SUMF1: variants seen among roughly 807,000 people sequenced by gnomAD.
SUMF1 encodes formylglycine-generating enzyme.
In SUMF1, 48 loss-of-function variants were observed where a neutral mutation model predicts 47.6. The observed-to-expected ratio is 1.01, with a 90% confidence interval of 0.80 to 1.28. The LOEUF (loss-of-function observed/expected upper bound fraction) is 1.28, where lower values mean the gene tolerates loss of function less well. Among genes scored for constraint, SUMF1 ranks in the 50% most tolerant of loss-of-function variants. The probability of loss-of-function intolerance (pLI) is 0.00; values close to 1 mark genes in which losing one functional copy is unlikely to be tolerated. For missense variants in SUMF1, 571 were observed against 485.4 expected (o/e 1.18, Z -1.66); for synonymous variants, 230 against 192.1 (o/e 1.20, Z -1.63).
chr3:4,159,825 A>G (rs1048562763), intron 8 of SUMF1, among the ~76,000 whole-genome samples: 3 of 152,170 alleles, frequency 2.0e-5, no homozygotes, highest in Non-Finnish European at 4.4e-5. Context: ...TTCACTGGAC[A>G]TACTATTCTA....
intron 3 of SUMF1, among the ~76,000 whole-genome samples, chr3:4,441,303 T>C (rs1299448937): frequency 6.6e-6 from 1 of 152,194 alleles, no homozygotes; most frequent in East Asian, 1.9e-4. Context: ...CTGTCTCCCA[T>C]CACCCCCAGA....
intron 8 of SUMF1, among the ~76,000 whole-genome samples, chr3:4,289,769 C>G (rs540670827): frequency 4.9e-4 from 74 of 150,732 alleles, no homozygotes; most frequent in Non-Finnish European, 8.5e-4. Context: ...GTAAACTAAA[C>G]GACCATTTAA....
chr3:4,371,383 A>G (rs1484766431), intron 8 of SUMF1, among the ~76,000 whole-genome samples: 1 of 152,244 alleles, frequency 6.6e-6, no homozygotes, highest in Non-Finnish European at 1.5e-5. Context: ...TCCATTTAAG[A>G]TAATGACTTA....
At chr3:4,339,287 T>C (rs988563085) in intron 8 of SUMF1, among the ~76,000 whole-genome samples, 2 of 152,154 alleles carry the variant, frequency 1.3e-5, no homozygotes, top group Admixed American at 6.5e-5. Context: ...CCATTTTCCT[T>C]GTGAGGTATG....
intron 9 of SUMF1, among the ~76,000 whole-genome samples, chr3:4,044,036 T>C (rs1694962287): frequency 6.6e-6 from 1 of 152,116 alleles, no homozygotes; most frequent in Non-Finnish European, 1.5e-5. Flanking sequence ...AGAGGCACAA[T>C]AGTCATTTTG....
At chr3:4,142,379 A>G (rs1394074249) in intron 8 of SUMF1, among the ~76,000 whole-genome samples, 1 of 152,192 alleles carries the variant, frequency 6.6e-6, no homozygotes, top group African/African-American at 2.4e-5. Flanking sequence ...ATTGCTGTAT[A>G]GTCACATGCC....
At chr3:4,297,557 C>T (rs1350059259) in intron 8 of SUMF1, among the ~76,000 whole-genome samples, 1 of 145,108 alleles carries the variant, frequency 6.9e-6, no homozygotes, top group South Asian at 2.2e-4. Flanking sequence ...CAAGCCACTA[C>T]ACCTGAATTT....
intron 8 of SUMF1, among the ~76,000 whole-genome samples, chr3:4,333,224 T>C (rs1699082830): frequency 6.6e-6 from 1 of 152,318 alleles, no homozygotes; most frequent in Middle Eastern, 3.4e-3. Flanking sequence ...CTGGTTAACA[T>C]TTAAGCCATC....
In SUMF1 at chr3:4,105,328, T is replaced by C. The variant is rs779052402; in HGVS notation, c.1015-36583A>G. On this transcript the variant is annotated intron_variant and NMD_transcript_variant, in intron 8 of 12. Transcript: ENST00000448413. ...GATCTCTCGCATAGGCTGGTGATTA[T>C]AGTTAATAACAATGTGTATTTTTAA... 3.9e-5 allele frequency among the ~76,000 whole-genome samples: 6 copies of C among 152,170 alleles called. 1 individual carries two copies. Among genetic ancestry groups the C allele is most frequent in the African/African-American group, 7.2e-5 (3 of 41,418 alleles).
intron 1 of SUMF1, among the ~76,000 whole-genome samples, chr3:4,462,491 G>A (rs2079839221): frequency 6.6e-6 from 1 of 152,162 alleles, no homozygotes; most frequent in South Asian, 2.1e-4. Flanking sequence ...TTCCCAACTA[G>A]GGGAGCTATA....
chr3:4,464,538 A>ATAG (rs2079893285), intron 1 of SUMF1, among the ~76,000 whole-genome samples: 1 of 152,208 alleles, frequency 6.6e-6, no homozygotes, highest in Admixed American at 6.5e-5. Flanking sequence ...CAAGTGTTAT[A>ATAG]TAGTAATGTG....
chr3:4,149,455 C>G (rs1193179991), intron 8 of SUMF1, among the ~76,000 whole-genome samples: 1 of 152,142 alleles, frequency 6.6e-6, no homozygotes, highest in African/African-American at 2.4e-5. Flanking sequence ...TCAATGCTTG[C>G]AACACCTCTA....
chr3:4,317,319 C>G (rs1303470277), intron 8 of SUMF1: 1 of 898,094 alleles, frequency 1.1e-6, no homozygotes, highest in Non-Finnish European at 1.7e-6. Context: ...TTGCACCAAC[C>G]CAATATCTTC....
At chr3:4,098,066 G>A (rs188849952) in intron 8 of SUMF1, among the ~76,000 whole-genome samples, 12 of 152,122 alleles carry the variant, frequency 7.9e-5, no homozygotes, top group East Asian at 1.9e-4. Flanking sequence ...GAAGAATAAC[G>A]TATCTTCCTG....
intron 8 of SUMF1, among the ~76,000 whole-genome samples, chr3:4,375,425 A>C (rs747572655): frequency 8.5e-5 from 13 of 152,330 alleles, no homozygotes; most frequent in Non-Finnish European, 1.3e-4. Flanking sequence ...AAGAAAAATC[A>C]AATCAGAATG....
intron 8 of SUMF1, among the ~76,000 whole-genome samples, chr3:4,165,399 C>T (rs1448491388): frequency 6.6e-6 from 1 of 151,768 alleles, no homozygotes; most frequent in Non-Finnish European, 1.5e-5. Flanking sequence ...TTTTTGTGGT[C>T]CCTTGGAGAT....
chr3:4,175,439 C>A (rs1237835345), intron 8 of SUMF1, among the ~76,000 whole-genome samples: 2 of 152,152 alleles, frequency 1.3e-5, no homozygotes, highest in Non-Finnish European at 2.9e-5. Context: ...AGACCTGCAG[C>A]TGAGGGACCT....
chr3:4,393,165 A>C (rs190186053), intron 7 of SUMF1, among the ~76,000 whole-genome samples: 3 of 152,226 alleles, frequency 2.0e-5, no homozygotes, highest in South Asian at 2.1e-4. Flanking sequence ...CACAACTGCT[A>C]CCGTGGGCTA....
chr3:4,312,834 A>T, intron 8 of SUMF1: 1 of 1,518,222 alleles, frequency 6.6e-7, no homozygotes, highest in South Asian at 1.4e-5. Flanking sequence ...GTCAGAAGCT[A>T]CTTGGAATAT....
Sources: allele counts gnomAD v4.1 joint callset (sites outside exome capture counted in the v4.1 genomes callset), GRCh38; gene constraint gnomAD v4.1.1; transcripts MANE v1.5; gene names NCBI Gene and HGNC (gene_info 2026-07-23, HGNC 2026-07-21).